The following PAX9 variants were observed in gnomAD, a reference collection of about 807,000 sequenced individuals.
The protein encoded by PAX9 is paired box protein Pax-9.
Under a neutral mutation model 29.1 loss-of-function variants are expected in PAX9, and 6 were observed. The ratio of observed to expected loss-of-function variants is 0.21; its 90% confidence interval spans 0.11 to 0.41. The LOEUF (loss-of-function observed/expected upper bound fraction) is 0.41, where lower values mean the gene tolerates loss of function less well. PAX9 is among the 10% of genes least tolerant of loss of function. PAX9 has a pLI of 1.00. For missense variants in PAX9, 443 were observed against 479.1 expected, an observed-to-expected ratio of 0.92 and a Z score of 0.70; for synonymous variants, 217 against 211.7, an observed-to-expected ratio of 1.03 and a Z score of -0.22.
upstream of PAX9, chr14:36,658,565 C>T (rs1187461479): frequency 2.6e-5 from 4 of 152,428 alleles, no homozygotes; most frequent in Non-Finnish European, 5.9e-5. Flanking sequence ...GAGGAGCAGG[C>T]TTCCGGGGGT....
At chr14:36,666,077 T>G in intron 2 of PAX9, 1 of 206,222 alleles carries the variant, frequency 4.8e-6, no homozygotes. Context: ...CCAGTCGGCC[T>G]TGGGTTAAGA....
Position 36,676,870 on chromosome 14 carries a change from GAAA to G in PAX9, c.*420_*422del. ...TTGAGATTTTGCAAAATCAATAAAG[GAAA>G]ATACTTATAGAAAAAATTATGCTAC... is the stretch of plus-strand genomic sequence containing the variant. On this transcript the variant is annotated 3_prime_UTR_variant, in exon 4 of 4. Coordinates refer to ENST00000361487, the MANE Select transcript of PAX9 (RefSeq NM_001372076.1). The G allele has an allele frequency of 4.5e-6, 1 of 222,396 alleles. No homozygotes were observed. The highest frequency in any genetic ancestry group is 9.1e-6 in the Non-Finnish European group (1 of 109,926). The allele number at this position is 222,396 out of a possible 1,614,324, so 13.8% of individuals were successfully genotyped here.
intron 3 of PAX9, 93 bp from the exon 4 acceptor site, chr14:36,676,105 T>C: frequency 3.7e-6 from 5 of 1,354,446 alleles, no homozygotes; most frequent in Non-Finnish European, 5.2e-6. Context: ...ATTGCTGGCT[T>C]ACTCAGACTT....
intron 3 of PAX9, among the ~76,000 whole-genome samples, chr14:36,667,656 C>G (rs933273906): frequency 1.4e-4 from 22 of 152,134 alleles, no homozygotes. Context: ...TCATTATTTT[C>G]TGTAACAAAT....
chr14:36,662,849 C>T (rs780213720), intron 1 of PAX9, 48 bp from the exon 2 acceptor site: 26 of 1,581,270 alleles, frequency 1.6e-5, no homozygotes, highest in Non-Finnish European at 2.1e-5. Flanking sequence ...AGGCAGCTGT[C>T]CCAAGCAGCG....
chr14:36,658,377 G>T (rs950774108), upstream of PAX9, among the ~76,000 whole-genome samples: 4 of 151,532 alleles, frequency 2.6e-5, no homozygotes, highest in African/African-American at 7.3e-5. Flanking sequence ...CTCGCTTGGG[G>T]GGGGGGGGTC....
chr14:36,667,750 A>G (rs1237463061), intron 3 of PAX9, among the ~76,000 whole-genome samples: 1 of 152,174 alleles, frequency 6.6e-6, no homozygotes, highest in Non-Finnish European at 1.5e-5. Context: ...GGCAAATAAC[A>G]CAGAAAATAG....
chr14:36,665,612 C>G (rs988076922), intron 2 of PAX9, among the ~76,000 whole-genome samples: 1 of 152,194 alleles, frequency 6.6e-6, no homozygotes, highest in Non-Finnish European at 1.5e-5. Context: ...TTCTTTGCAT[C>G]TCCACCAAGA....
Position 36,661,996 on chromosome 14 carries a change from C to T in PAX9, c.-94C>T. ...AAGAAGCGGAGGCGCCGGCGGTCGG[C>T]CGGGATAGCAACAGGCCGGGCCACT... On this transcript the variant is annotated 5_prime_UTR_variant, in exon 1 of 4. Coordinates refer to ENST00000361487, the MANE Select transcript of PAX9 (RefSeq NM_001372076.1). 3 of 1,513,454 alleles carry T rather than the reference C, an allele frequency of 2.0e-6. No individual in the cohort carries two copies. The highest frequency in any genetic ancestry group is 2.7e-6 in the Non-Finnish European group (3 of 1,113,806). 93.8% of individuals were successfully genotyped at this position (1,513,454 alleles called of 1,614,324 possible).
At chr14:36,672,519 A>G (rs1034552173) in intron 3 of PAX9, among the ~76,000 whole-genome samples, 8 of 152,174 alleles carry the variant, frequency 5.3e-5, no homozygotes, top group African/African-American at 1.9e-4. Flanking sequence ...ATCTTTTACT[A>G]ATGTTATGTG....
At chr14:36,673,456 C>T (rs1324669207) in intron 3 of PAX9, among the ~76,000 whole-genome samples, 1 of 151,926 alleles carries the variant, frequency 6.6e-6, no homozygotes, top group Non-Finnish European at 1.5e-5. Context: ...ATCCAATGTC[C>T]TGCCTGCCCC....
intron 3 of PAX9, among the ~76,000 whole-genome samples, chr14:36,668,321 A>C (rs1230753980): frequency 6.6e-6 from 1 of 152,160 alleles, no homozygotes; most frequent in Non-Finnish European, 1.5e-5. Context: ...TCTAATTCCC[A>C]CATGTCATTG....
chr14:36,673,543 G>A (rs1881773925), intron 3 of PAX9, among the ~76,000 whole-genome samples: 1 of 7,636 alleles, frequency 1.3e-4, no homozygotes, highest in African/African-American at 5.4e-4. Context: ...GTGGGTCCAT[G>A]TAAGGGGACC....
upstream of PAX9, among the ~76,000 whole-genome samples, chr14:36,661,371 T>C (rs375073903): frequency 2.6e-4 from 39 of 152,332 alleles, no homozygotes; most frequent in African/African-American, 9.1e-4. Flanking sequence ...TCTCGCCACC[T>C]GGCATGGACT....
At chr14:36,661,630 C>A (rs1422869893), upstream of PAX9, 2 of 216,642 alleles carry the variant, frequency 9.2e-6, no homozygotes, top group Non-Finnish European at 1.8e-5. Context: ...ATTTTACCAG[C>A]CTGATTTTGC....
chr14:36,673,755 C>T (rs1197790541), intron 3 of PAX9, among the ~76,000 whole-genome samples: 4 of 152,146 alleles, frequency 2.6e-5, no homozygotes, highest in African/African-American at 9.7e-5. Flanking sequence ...ATAGAACTCG[C>T]CAACAGTTCT....
In PAX9 at chr14:36,666,386, C is replaced by A. The variant is rs535474925; in HGVS notation, c.632-76C>A. On this transcript the variant is annotated intron_variant, in intron 2 of 3. Coordinates refer to ENST00000361487, the MANE Select transcript of PAX9 (RefSeq NM_001372076.1). ...GTCTAAGCCCTCCAGCTCTCCGTCG[C>A]GGGTTTGGGTCCCGTCTCAAGAGTG... 4.5e-6 allele frequency: 7 copies of A among 1,547,812 alleles called. No individual in the cohort carries two copies. The South Asian group carries it at 7.3e-5, about 16-fold the overall frequency.
intron 2 of PAX9, 78 bp from the exon 3 acceptor site, chr14:36,666,384 C>G: frequency 6.5e-7 from 1 of 1,543,146 alleles, no homozygotes; most frequent in Non-Finnish European, 8.7e-7. Flanking sequence ...AGCTCTCCGT[C>G]GCGGGTTTGG....
In PAX9 at chr14:36,678,346, T is replaced by C. The variant is rs781368037; in HGVS notation, c.*1894T>C. The C allele has an allele frequency of 1.3e-6, 1 of 769,438 alleles. No individual in the cohort carries two copies. The highest frequency in any genetic ancestry group is 2.1e-6 in the Non-Finnish European group (1 of 472,072). The allele number at this position is 769,438 out of a possible 1,614,324, so 47.7% of individuals were successfully genotyped here. ...GAGAGCTTTGAACTGCATTTATTTCTAAAGCAACCGAAATTCAGTGCTACA... is the reference window on the plus strand; with the variant it reads ...GAGAGCTTTGAACTGCATTTATTTCCAAAGCAACCGAAATTCAGTGCTACA... On this transcript the variant is annotated 3_prime_UTR_variant, in exon 4 of 4. Transcript: ENST00000361487.
Sources: allele counts gnomAD v4.1 joint callset (sites outside exome capture counted in the v4.1 genomes callset), GRCh38; gene constraint gnomAD v4.1.1; transcripts MANE v1.5; gene names NCBI Gene and HGNC (gene_info 2026-07-23, HGNC 2026-07-21).